SCARB2: variants seen among roughly 807,000 people sequenced by gnomAD.
The protein encoded by SCARB2 is scavenger receptor class B member 2, also known as lysosome membrane protein 2.
Under a neutral mutation model 58.6 loss-of-function variants are expected in SCARB2, and 29 were observed. That is an observed-to-expected ratio of 0.49 (90% CI 0.37 to 0.67). The LOEUF is 0.67. Among genes scored for constraint, SCARB2 ranks in the 30% least tolerant of loss-of-function variants. The pLI is 0.00. For synonymous variants in SCARB2, 195 were observed against 210.1 expected (o/e 0.93, Z 0.62); for missense variants, 488 against 578.5 (o/e 0.84, Z 1.60).
At chr4:76,232,509 T>C (rs1026322483) in intron 1 of SCARB2, among the ~76,000 whole-genome samples, 1 of 152,264 alleles carries the variant, frequency 6.6e-6, no homozygotes, top group Non-Finnish European at 1.5e-5. Context: ...CAAAGGAGTT[T>C]GGTTTTCTCT....
At chr4:76,170,060 G>A in intron 7 of SCARB2, 75 bp from the exon 8 acceptor site, 1 of 1,323,260 alleles carries the variant, frequency 7.6e-7, no homozygotes, top group South Asian at 1.2e-5. Flanking sequence ...AAAGTTCCTG[G>A]CCACAGCCTG....
chr4:76,234,289 G>C (rs1315550831), intron 1 of SCARB2: 1 of 152,550 alleles, frequency 6.6e-6, no homozygotes, highest in African/African-American at 2.4e-5. Flanking sequence ...GAGGTTTTGA[G>C]TCATTTCACT....
At position 76,179,635 on chromosome 4, in the gene SCARB2, T is replaced by C; in HGVS notation, c.494A>G (p.Gln165Arg). 6.2e-7 allele frequency: 1 copy of C among 1,614,154 alleles called. No individual in the cohort carries two copies. Among genetic ancestry groups the C allele is most frequent in the Non-Finnish European group, 8.5e-7 (1 of 1,179,976 alleles). Residue 165 changes from glutamine (Q) to arginine (R), a missense_variant, in exon 4 of 12, where the codon CAG becomes CGG. Transcript: ENST00000264896. ...AACTGTGTGAGTCACAAAGAGCTTC[T>C]GCTGATAGGCTTTCAACATGGCCTC... ...IIEAMLKAYQ[Q>R]KLFVTHTVDE...
In SCARB2 at chr4:76,213,654, C is replaced by T. The variant is rs1733125514; in HGVS notation, c.-111G>A. 1.3e-6 allele frequency: 1 copy of T among 793,258 alleles called. No individual in the cohort carries two copies. The highest frequency in any genetic ancestry group is 2.7e-5 in the East Asian group (1 of 37,250). 49.1% of individuals were successfully genotyped at this position (793,258 alleles called of 1,614,324 possible). ...AGACCCGGGACCCTTCGGCGCCACG[C>T]CCACGCCCTCCCGGCGCACGGTTCG... On this transcript the variant is annotated 5_prime_UTR_variant, in exon 1 of 12. Coordinates refer to ENST00000264896, the MANE Select transcript of SCARB2 (RefSeq NM_005506.4).
chr4:76,209,022 A>G (rs1332196727), intron 1 of SCARB2, among the ~76,000 whole-genome samples: 1 of 152,212 alleles, frequency 6.6e-6, no homozygotes, highest in Non-Finnish European at 1.5e-5. Context: ...TCAGAAGGCT[A>G]GCTGGCACGC....
At chr4:76,225,476 G>A (rs1733381130) in intron 1 of SCARB2, among the ~76,000 whole-genome samples, 1 of 152,178 alleles carries the variant, frequency 6.6e-6, no homozygotes, top group East Asian at 1.9e-4. Flanking sequence ...AGTTCTTAGG[G>A]AAATGCTTTC....
intron 1 of SCARB2, among the ~76,000 whole-genome samples, chr4:76,225,650 G>C (rs1733384175): frequency 6.6e-6 from 1 of 152,160 alleles, no homozygotes; most frequent in Non-Finnish European, 1.5e-5. Context: ...ATGATCAAAT[G>C]ATCTTTGTTT....
At position 76,160,323 on chromosome 4, in the gene SCARB2, G is replaced by A. The variant is rs1731870643; in HGVS notation, c.*1390C>T. On this transcript the variant is annotated 3_prime_UTR_variant, in exon 12 of 12. Coordinates refer to ENST00000264896, the MANE Select transcript of SCARB2 (RefSeq NM_005506.4). ...TCTATAAGCACTTTGTCAGCTAAAT[G>A]TATAGGCTTCTCAATTCAAAATGAA... 6.6e-6 allele frequency: 1 copy of A among 152,186 alleles called. No homozygotes were observed. The highest frequency in any genetic ancestry group is 1.5e-5 in the Non-Finnish European group (1 of 68,036). 9.4% of individuals were successfully genotyped at this position (152,186 alleles called of 1,614,324 possible). A position where few individuals can be genotyped will look rare whatever the true frequency, so the allele number is the denominator to read the frequency against.
chr4:76,163,158 G>A, intron 11 of SCARB2, 67 bp downstream of exon 11: 1 of 1,590,434 alleles, frequency 6.3e-7, no homozygotes, highest in Non-Finnish European at 8.6e-7. Flanking sequence ...GCCCTTCAGT[G>A]AAGTACAGTT....
At chr4:76,216,143 T>C (rs1360405412), upstream of SCARB2, among the ~76,000 whole-genome samples, 4 of 152,182 alleles carry the variant, frequency 2.6e-5, no homozygotes, top group African/African-American at 9.7e-5. Context: ...AGCCTTTCTC[T>C]TCCCCTAATC....
intron 1 of SCARB2, among the ~76,000 whole-genome samples, chr4:76,209,878 C>T (rs1733004657): frequency 6.6e-6 from 1 of 152,234 alleles, no homozygotes; most frequent in Non-Finnish European, 1.5e-5. Flanking sequence ...CCCACTGGTT[C>T]CCTTGCCATC....
chr4:76,164,912 G>C (rs1346215938), intron 10 of SCARB2: 1 of 152,044 alleles, frequency 6.6e-6, no homozygotes, highest in African/African-American at 2.4e-5. Flanking sequence ...AAGGTGGTGT[G>C]GCAACAGTCT....
rs1472231818 is a variant in SCARB2 at position 76,179,372 on chromosome 4, C to A, written c.612+145G>T. On this transcript the variant is annotated intron_variant, in intron 4 of 11. Coordinates refer to ENST00000264896, the MANE Select transcript of SCARB2 (RefSeq NM_005506.4). ...CCCGGCCTCAAGTTTTTTTTCTTTC[C>A]AAAAAACACTCCATTTTTCACACAC... is the stretch of plus-strand genomic sequence containing the variant. 7 of 688,896 alleles carry A rather than the reference C, an allele frequency of 1.0e-5. No individual in the cohort carries two copies. The East Asian group carries it at 1.6e-4, about 16-fold the overall frequency. 42.7% of individuals were successfully genotyped at this position (688,896 alleles called of 1,614,324 possible).
At chr4:76,180,144 A>T (rs1732349524) in intron 3 of SCARB2, 1 of 227,428 alleles carries the variant, frequency 4.4e-6, no homozygotes, top group Admixed American at 5.1e-5. Context: ...CTGCATATGG[A>T]GCGGTCACCT....
intron 10 of SCARB2, chr4:76,166,001 TC>T (rs1326152400): frequency 1.7e-6 from 1 of 581,876 alleles, no homozygotes; most frequent in Non-Finnish European, 3.1e-6. Flanking sequence ...CGTGAGCAGC[TC>T]CCCAGAAGGG....
chr4:76,216,069 A>G (rs560196865), upstream of SCARB2, among the ~76,000 whole-genome samples: 25 of 152,240 alleles, frequency 1.6e-4, no homozygotes, highest in African/African-American at 5.5e-4. Context: ...GGGGTCCTGA[A>G]TGATTCAACT....
At chr4:76,201,015 T>TA (rs1156993922) in intron 1 of SCARB2, among the ~76,000 whole-genome samples, 2 of 152,212 alleles carry the variant, frequency 1.3e-5, no homozygotes, top group Non-Finnish European at 2.9e-5. Context: ...GCTCAAAGGA[T>TA]AAAGTCCACA....
intron 1 of SCARB2, 101 bp from the exon 2 acceptor site, chr4:76,195,965 A>T: frequency 1.3e-6 from 1 of 784,672 alleles, no homozygotes. Flanking sequence ...GACCTCCTAG[A>T]TCACTATTTT....
intron 1 of SCARB2, among the ~76,000 whole-genome samples, chr4:76,211,436 G>A (rs187149511): frequency 2.0e-5 from 3 of 152,346 alleles, no homozygotes; most frequent in Admixed American, 6.5e-5. Context: ...CAAATCTCAC[G>A]TATTTTCTTT....
Sources: gnomAD v4.1 joint callset for allele counts (sites outside exome capture counted in the v4.1 genomes callset) on GRCh38, gnomAD v4.1.1 for gene constraint, MANE v1.5 for transcripts, NCBI Gene and HGNC (gene_info 2026-07-23, HGNC 2026-07-21) for gene names.